Variants in PAPPA2 observed in about 807,000 individuals in gnomAD.
PAPPA2 encodes pappalysin-2.
PAPPA2 carries 86 observed loss-of-function variants against 176.4 expected under a neutral mutation model. The observed-to-expected ratio is 0.49, with a 90% CI of 0.41 to 0.58. PAPPA2 has a LOEUF of 0.58. Among genes scored for constraint, PAPPA2 ranks in the 20% least tolerant of loss-of-function variants. The probability of loss-of-function intolerance (pLI) is 0.00; values close to 1 mark genes in which losing one functional copy is unlikely to be tolerated. For synonymous variants in PAPPA2, 809 were observed against 852.2 expected (o/e 0.95, Z 0.88); for missense variants, 2,073 against 2,256.9 (o/e 0.92, Z 1.65).
intron 20 of PAPPA2, among the ~76,000 whole-genome samples, chr1:176,795,853 C>T (rs1300698186): frequency 6.6e-6 from 1 of 152,116 alleles, no homozygotes; most frequent in Non-Finnish European, 1.5e-5. Flanking sequence ...TCCCAAATTC[C>T]CAGCTTTTCA....
intron 21 of PAPPA2, among the ~76,000 whole-genome samples, chr1:176,822,932 T>C (rs956988492): frequency 2.0e-5 from 3 of 152,228 alleles, no homozygotes; most frequent in African/African-American, 7.2e-5. Flanking sequence ...CTTATCAAAT[T>C]AAGGTAATAA....
At chr1:176,481,967 C>T (rs1207519560) in intron 1 of PAPPA2, among the ~76,000 whole-genome samples, 1 of 152,122 alleles carries the variant, frequency 6.6e-6, no homozygotes, top group Non-Finnish European at 1.5e-5. Context: ...CTGCCTCAGC[C>T]TCTCAAAGTG....
chr1:176,733,237 G>T (rs1044316280), intron 12 of PAPPA2, among the ~76,000 whole-genome samples: 2 of 152,114 alleles, frequency 1.3e-5, no homozygotes, highest in African/African-American at 4.8e-5. Flanking sequence ...TGTCTAAGGT[G>T]CATTTAAGTT....
At chr1:176,616,365 T>C (rs1655258378) in intron 3 of PAPPA2, 1 of 577,988 alleles carries the variant, frequency 1.7e-6, no homozygotes, top group South Asian at 1.5e-5. Flanking sequence ...TTGCTTGCTT[T>C]TAAAAGCTCC....
intron 12 of PAPPA2, among the ~76,000 whole-genome samples, chr1:176,729,760 T>C (rs1662045585): frequency 6.6e-6 from 1 of 152,088 alleles, no homozygotes; most frequent in Non-Finnish European, 1.5e-5. Flanking sequence ...TTGCTACCTA[T>C]ACTCCTTGTT....
At chr1:176,663,895 C>T (rs545643020) in intron 3 of PAPPA2, among the ~76,000 whole-genome samples, 170 of 152,188 alleles carry the variant, frequency 1.1e-3, no homozygotes, top group African/African-American at 3.9e-3. Flanking sequence ...CTGTATGTGA[C>T]GAGTTATCTA....
chr1:176,580,986 T>G (rs988772372), intron 2 of PAPPA2, among the ~76,000 whole-genome samples: 3 of 152,136 alleles, frequency 2.0e-5, no homozygotes, highest in Admixed American at 2.0e-4. Context: ...GTTCAATAGT[T>G]TTTTCATTTG....
intron 3 of PAPPA2, among the ~76,000 whole-genome samples, chr1:176,639,348 T>C (rs924908931): frequency 1.3e-5 from 2 of 152,146 alleles, no homozygotes; most frequent in African/African-American, 2.4e-5. Context: ...CCTGTTGCTT[T>C]AACCTATGCA....
At chr1:176,521,330 T>C (rs893505471) in intron 1 of PAPPA2, among the ~76,000 whole-genome samples, 10 of 152,294 alleles carry the variant, frequency 6.6e-5, no homozygotes, top group African/African-American at 2.4e-4. Context: ...TTTCATGGAA[T>C]GCTCCTTCTT....
chr1:176,682,273 G>A (rs888798547), intron 4 of PAPPA2, among the ~76,000 whole-genome samples: 5 of 152,154 alleles, frequency 3.3e-5, no homozygotes, highest in African/African-American at 7.2e-5. Context: ...GGTGAAGAGG[G>A]GGATGTGGAT....
intron 21 of PAPPA2, among the ~76,000 whole-genome samples, chr1:176,804,990 TA>T (rs1271680541): frequency 2.6e-5 from 4 of 152,146 alleles, no homozygotes; most frequent in African/African-American, 4.8e-5. Flanking sequence ...CCTGGGGTAA[TA>T]ATTGAAGTGA....
intron 14 of PAPPA2, among the ~76,000 whole-genome samples, chr1:176,763,447 A>G (rs1373542672): frequency 6.6e-6 from 1 of 152,234 alleles, no homozygotes; most frequent in Admixed American, 6.5e-5. Context: ...TGATATTTTC[A>G]TATTTCACAT....
chr1:176,501,284 T>G (rs796800631), intron 1 of PAPPA2, among the ~76,000 whole-genome samples: 8 of 152,240 alleles, frequency 5.3e-5, no homozygotes, highest in African/African-American at 1.9e-4. Flanking sequence ...TCCCTATTTT[T>G]TAGTTATCAC....
chr1:176,775,631 A>T (rs1664425414), intron 17 of PAPPA2, among the ~76,000 whole-genome samples: 1 of 152,122 alleles, frequency 6.6e-6, no homozygotes, highest in Admixed American at 6.6e-5. Flanking sequence ...ACCCAGGGAG[A>T]TTTAAAAAAT....
At chr1:176,758,712 C>T (rs1318307394) in intron 14 of PAPPA2, among the ~76,000 whole-genome samples, 2 of 152,154 alleles carry the variant, frequency 1.3e-5, no homozygotes, top group Non-Finnish European at 2.9e-5. Context: ...AAATGAATTG[C>T]AATATTTTGT....
At chr1:176,624,641 T>C (rs1445947521) in intron 3 of PAPPA2, among the ~76,000 whole-genome samples, 2 of 152,318 alleles carry the variant, frequency 1.3e-5, no homozygotes, top group East Asian at 3.9e-4. Flanking sequence ...AAGTCATTCC[T>C]TCCTGCTGGA....
intron 4 of PAPPA2, among the ~76,000 whole-genome samples, chr1:176,681,854 A>G (rs572228649): frequency 5.3e-5 from 8 of 152,286 alleles, no homozygotes; most frequent in Admixed American, 2.6e-4. Flanking sequence ...AGGGTAAGCA[A>G]TGGTGGGTGG....
intron 3 of PAPPA2, among the ~76,000 whole-genome samples, chr1:176,615,489 T>C (rs540491206): frequency 1.4e-4 from 22 of 152,216 alleles, no homozygotes; most frequent in African/African-American, 4.3e-4. Flanking sequence ...TTTTTTTTCT[T>C]TTTTCTTTTT....
chr1:176,829,574 C>T (rs529228950), intron 21 of PAPPA2, among the ~76,000 whole-genome samples: 3 of 152,316 alleles, frequency 2.0e-5, no homozygotes, highest in African/African-American at 7.2e-5. Context: ...GAGACAGAGA[C>T]GAAGGGAAGT....
Sources: gnomAD v4.1 joint callset for allele counts (sites outside exome capture counted in the v4.1 genomes callset) on GRCh38, gnomAD v4.1.1 for gene constraint, MANE v1.5 for transcripts, NCBI Gene and HGNC (gene_info 2026-07-23, HGNC 2026-07-21) for gene names.